MS4A7: variants seen among roughly 807,000 people sequenced by gnomAD.
MS4A7 encodes membrane spanning 4-domains A7.
A neutral mutation model predicts 23.5 loss-of-function variants in MS4A7; 21 were observed. That is an observed-to-expected ratio of 0.89 (90% CI 0.63 to 1.29). The LOEUF (loss-of-function observed/expected upper bound fraction) is 1.29. MS4A7 is among the 50% of genes most tolerant of loss of function. MS4A7 has a pLI of 0.00. For missense variants in MS4A7, 263 were observed against 274.2 expected (o/e 0.96, Z 0.29); for synonymous variants, 111 against 107.4 (o/e 1.03, Z -0.21).
intron 2 of MS4A7, 160 bp downstream of exon 2, chr11:60,383,448 C>CCTG: frequency 1.5e-6 from 1 of 650,966 alleles, no homozygotes. Context: ...ACTCTTAAAG[C>CCTG]TCTGCAGCAG....
intron 6 of MS4A7, 25 bp from the exon 7 acceptor site, chr11:60,393,762 T>C: frequency 6.4e-7 from 1 of 1,570,916 alleles, no homozygotes; most frequent in Non-Finnish European, 8.7e-7. Flanking sequence ...AGTTTAAAAA[T>C]TCTAACCAAT....
intron 5 of MS4A7, among the ~76,000 whole-genome samples, chr11:60,391,836 T>C (rs2085554776): frequency 1.3e-5 from 2 of 151,280 alleles, no homozygotes; most frequent in South Asian, 4.2e-4. Flanking sequence ...GGGGAATCAC[T>C]TGAACTCGGG....
chr11:60,393,768 C>T lies in MS4A7; in HGVS notation c.649-19C>T, dbSNP rs776372783. On this transcript the variant is annotated intron_variant, in intron 6 of 6. Coordinates refer to ENST00000300184, the MANE Select transcript of MS4A7 (RefSeq NM_021201.5). ...CGAAATCAAAGTTTAAAAATTCTAACCAATTATGTATTTTCTAGAGTTCAT... is the reference window on the plus strand; with the variant it reads ...CGAAATCAAAGTTTAAAAATTCTAATCAATTATGTATTTTCTAGAGTTCAT... 4 of 1,578,408 alleles carry T rather than the reference C, an allele frequency of 2.5e-6. No homozygotes were observed. Among genetic ancestry groups the T allele is most frequent in the Non-Finnish European group, 2.6e-6 (3 of 1,159,172 alleles).
rs1039722674 is a variant in MS4A7 at position 60,394,674 on chromosome 11, C to T, written c.*813C>T. ...AAAATTAGCCAGGCATGGTGGTGCG[C>T]ACCTGTAGTTCCAGCTACTTGGGAG... On this transcript the variant is annotated 3_prime_UTR_variant, in exon 7 of 7. Coordinates refer to ENST00000300184, the MANE Select transcript of MS4A7 (RefSeq NM_021201.5). The T allele has an allele frequency of 2.2e-4, 41 of 185,390 alleles. No homozygotes were observed. The highest frequency in any genetic ancestry group is 2.0e-3 in the Middle Eastern group (1 of 494). The allele number at this position is 185,390 out of a possible 1,614,324, so 11.5% of individuals were successfully genotyped here.
intron 6 of MS4A7, 41 bp downstream of exon 6, chr11:60,392,827 A>C (rs771236060): frequency 4.3e-6 from 6 of 1,399,006 alleles, no homozygotes; most frequent in Non-Finnish European, 6.1e-6. Context: ...GCTGTGTCTC[A>C]GGTCCAGGCT....
rs865847133 is a variant in MS4A7 at position 60,394,672 on chromosome 11, C to T, written c.*811C>T. ...AAAAAATTAGCCAGGCATGGTGGTG[C>T]GCACCTGTAGTTCCAGCTACTTGGG... On this transcript the variant is annotated 3_prime_UTR_variant, in exon 7 of 7. Transcript: ENST00000300184. The T allele has an allele frequency of 2.2e-5, 4 of 182,528 alleles. No homozygotes were observed. Among genetic ancestry groups the T allele is most frequent in the East Asian group, 1.3e-4 (1 of 7,828 alleles). The allele number at this position is 182,528 out of a possible 1,614,324, so 11.3% of individuals were successfully genotyped here. A position where few individuals can be genotyped will look rare whatever the true frequency, so the allele number is the denominator to read the frequency against.
At chr11:60,379,090 C>T (rs1277463023) in intron 1 of MS4A7, among the ~76,000 whole-genome samples, 3 of 152,218 alleles carry the variant, frequency 2.0e-5, no homozygotes, top group Non-Finnish European at 4.4e-5. Context: ...AGCTGTGGGT[C>T]CCTCCAGTCT....
chr11:60,387,324 G>T (rs2085502678), intron 4 of MS4A7, among the ~76,000 whole-genome samples: 1 of 152,196 alleles, frequency 6.6e-6, no homozygotes, highest in African/African-American at 2.4e-5. Context: ...CCCAGGCAAA[G>T]CAGAATAACT....
intron 1 of MS4A7, among the ~76,000 whole-genome samples, chr11:60,379,563 G>C (rs2085407398): frequency 6.9e-6 from 1 of 144,388 alleles, no homozygotes; most frequent in African/African-American, 2.6e-5. Context: ...AATTGAGAAA[G>C]AGTTTTGCTC....
At position 60,386,758 on chromosome 11, in the gene MS4A7, A is replaced by G. The variant is rs774040206; in HGVS notation, c.324A>G (p.Gln108=). The G allele has an allele frequency of 1.2e-6, 2 of 1,612,794 alleles. No individual in the cohort carries two copies. The highest frequency in any genetic ancestry group is 1.7e-6 in the Non-Finnish European group (2 of 1,178,904). Residue 108 remains glutamine, a synonymous_variant, in exon 4 of 7, where the codon CAA becomes CAG. Transcript: ENST00000300184. ...TGSLSIISGK[Q]STKPFDLSSL... is the part of the protein sequence containing the mutation. Reference sequence around the variant, plus strand: ...CCCTCTCAATTATCTCTGGAAAACAATCAACTAAGCCCTTTGTAAGTATAA... The same window carrying G: ...CCCTCTCAATTATCTCTGGAAAACAGTCAACTAAGCCCTTTGTAAGTATAA...
At position 60,385,169 on chromosome 11, in the gene MS4A7, C is replaced by A; in HGVS notation, c.229C>A (p.Pro77Thr). 5.0e-6 allele frequency: 8 copies of A among 1,614,176 alleles called. No homozygotes were observed. Among genetic ancestry groups the A allele is most frequent in the Non-Finnish European group, 6.8e-6 (8 of 1,180,010 alleles). ...TGCTCCCTACCCCTCCCACTTCAAT[C>A]CAGCAATTTCCACCACTTTGATGTC... ...VFAPYPSHFNPAISTTLMSGY... is the reference protein window; with the variant it reads ...VFAPYPSHFNTAISTTLMSGY... Residue 77 changes from proline to threonine, a missense_variant, in exon 3 of 7, where the codon CCA (proline) becomes ACA (threonine). By Grantham distance (38) the Pro-to-Thr change is conservative (BLOSUM62 -1). Coordinates refer to ENST00000300184, the MANE Select transcript of MS4A7 (RefSeq NM_021201.5).
chr11:60,383,365 T>C, intron 2 of MS4A7, 77 bp downstream of exon 2: 1 of 1,517,440 alleles, frequency 6.6e-7, no homozygotes, highest in Non-Finnish European at 8.9e-7. Context: ...CTACAGTGGG[T>C]CTGGGAAACT....
intron 2 of MS4A7, among the ~76,000 whole-genome samples, chr11:60,384,874 G>A (rs574533629): frequency 1.3e-5 from 2 of 152,212 alleles, no homozygotes; most frequent in East Asian, 1.9e-4. Flanking sequence ...ATCACTTTCC[G>A]ATTTGCTGGT....
chr11:60,379,983 G>A (rs112959390), intron 1 of MS4A7, among the ~76,000 whole-genome samples: 8,248 of 152,102 alleles, frequency 0.054, 262 homozygotes, highest in South Asian at 0.15. Context: ...CCCCTCTCCC[G>A]CCAGCCCCTG....
intron 2 of MS4A7, among the ~76,000 whole-genome samples, chr11:60,384,730 T>C (rs569711163): frequency 6.6e-6 from 1 of 152,344 alleles, no homozygotes; most frequent in East Asian, 1.9e-4. Flanking sequence ...CTGAAAAATC[T>C]CTTCATTAAC....
chr11:60,389,375 G>C lies in MS4A7; in HGVS notation c.340-15G>C. ...GATTCTGTGATGAGAACCCAATGCA[G>C]AGTTTCTCTTCCAGGACCTGAGCAG... On this transcript the variant is annotated splice_polypyrimidine_tract_variant and intron_variant, in intron 4 of 6. Transcript: ENST00000300184. 1 of 1,596,814 alleles carries C rather than the reference G, an allele frequency of 6.3e-7. No homozygotes were observed. The highest frequency in any genetic ancestry group is 1.1e-5 in the South Asian group (1 of 87,682).
At chr11:60,391,569 ATT>A (rs2085550547) in intron 5 of MS4A7, among the ~76,000 whole-genome samples, 1 of 152,224 alleles carries the variant, frequency 6.6e-6, no homozygotes, top group African/African-American at 2.4e-5. Context: ...TAACATAATA[ATT>A]TGAACAAGGC....
In MS4A7 at chr11:60,394,993, C is replaced by T; in HGVS notation, c.*1132C>T. 1 of 639,436 alleles carries T rather than the reference C, an allele frequency of 1.6e-6. No individual in the cohort carries two copies. Among genetic ancestry groups the T allele is most frequent in the Non-Finnish European group, 2.9e-6 (1 of 349,700 alleles). The allele number at this position is 639,436 out of a possible 1,614,324, so 39.6% of individuals were successfully genotyped here. ...TTAGTCTTAACAAGTTACAGATAAT[C>T]TCTGACTGGCATGTTTTCTGCTTCT... is the stretch of plus-strand genomic sequence containing the variant. On this transcript the variant is annotated 3_prime_UTR_variant, in exon 7 of 7. Transcript: ENST00000300184.
At position 60,391,220 on chromosome 11, in the gene MS4A7, C is replaced by T. The variant is rs143251978; in HGVS notation, c.547-1465C>T. Among the ~76,000 whole-genome samples the T allele has an allele frequency of 1.6e-4, 24 of 152,234 alleles. No individual in the cohort carries two copies. In the East Asian group the frequency reaches 4.2e-3, roughly 27 times the overall value. On this transcript the variant is annotated intron_variant, in intron 5 of 6. Coordinates refer to ENST00000300184, the MANE Select transcript of MS4A7 (RefSeq NM_021201.5). Reference sequence around the variant, plus strand: ...CCCAAGAAGTTTCAAGAAAACCTTCCGTCAGCTCACTAAGCTTTGTGCAAG... The same window carrying T: ...CCCAAGAAGTTTCAAGAAAACCTTCTGTCAGCTCACTAAGCTTTGTGCAAG...
Sources: gnomAD v4.1 joint callset for allele counts (sites outside exome capture counted in the v4.1 genomes callset) on GRCh38, gnomAD v4.1.1 for gene constraint, MANE v1.5 for transcripts, NCBI Gene and HGNC (gene_info 2026-07-23, HGNC 2026-07-21) for gene names.